Variants in DGKB observed in about 807,000 individuals in gnomAD.
DGKB encodes diacylglycerol kinase beta, also known as 90 kDa diacylglycerol kinase.
In DGKB, 67 loss-of-function variants were observed where a neutral mutation model predicts 114.3. The ratio of observed to expected loss-of-function variants is 0.59; its 90% CI spans 0.48 to 0.72. DGKB has a LOEUF of 0.72. Ranked by LOEUF, DGKB falls within the 30% of genes least tolerant of loss-of-function variation. The pLI, the probability that DGKB is intolerant of heterozygous loss-of-function variation, is 0.00. For synonymous variants in DGKB, 398 were observed against 323.1 expected, an observed-to-expected ratio of 1.23 and a Z score of -2.49; for missense variants, 907 against 975.2, an observed-to-expected ratio of 0.93 and a Z score of 0.93.
chr7:14,174,858 A>G (rs1289428645), intron 25 of DGKB, among the ~76,000 whole-genome samples: 4 of 152,186 alleles, frequency 2.6e-5, no homozygotes, highest in Admixed American at 2.6e-4. Flanking sequence ...GTGAATTTAG[A>G]AGTGTCATTT....
chr7:14,973,670 A>C (rs1468021550), intron 1 of DGKB, among the ~76,000 whole-genome samples: 1 of 150,072 alleles, frequency 6.7e-6, no homozygotes, highest in African/African-American at 2.4e-5. Flanking sequence ...TAGCCTTTTA[A>C]TCATGTTTAT....
At chr7:14,562,751 G>T (rs769587508) in intron 20 of DGKB, among the ~76,000 whole-genome samples, 1 of 152,140 alleles carries the variant, frequency 6.6e-6, no homozygotes, top group African/African-American at 2.4e-5. Context: ...CAATTAACTT[G>T]CCTTTGATTT....
chr7:14,940,758 C>T lies in DGKB; in HGVS notation c.-188+33938G>A, dbSNP rs1038243138. On this transcript the variant is annotated intron_variant, in intron 1 of 4. Coordinates refer to the DGKB transcript ENST00000437998. ...AACCAACTATAATTTCTTTTGTTTC[C>T]TCTTTATTCTTCCTTTATTTATTTA... Among the ~76,000 whole-genome samples, 3 of 151,302 alleles carry T rather than the reference C, an allele frequency of 2.0e-5. No homozygotes were observed. In the South Asian group the frequency reaches 6.3e-4, roughly 32 times the overall value.
chr7:14,780,048 G>A (rs1838831236), intron 2 of DGKB, among the ~76,000 whole-genome samples: 1 of 152,072 alleles, frequency 6.6e-6, no homozygotes, highest in Non-Finnish European at 1.5e-5. Context: ...ATGTAGAAAT[G>A]GGGCATGGAA....
At chr7:14,708,502 G>C (rs1298359789) in intron 6 of DGKB, among the ~76,000 whole-genome samples, 1 of 151,074 alleles carries the variant, frequency 6.6e-6, no homozygotes, top group South Asian at 2.1e-4. Flanking sequence ...AGACGGCATC[G>C]CCAAGTGAAT....
intron 21 of DGKB, among the ~76,000 whole-genome samples, chr7:14,476,300 A>T (rs1249550843): frequency 6.6e-6 from 1 of 152,142 alleles, no homozygotes; most frequent in Non-Finnish European, 1.5e-5. Flanking sequence ...GCTGAAATCT[A>T]TACAGTACAT....
At chr7:14,555,629 T>A (rs745816627) in intron 20 of DGKB, among the ~76,000 whole-genome samples, 2 of 152,156 alleles carry the variant, frequency 1.3e-5, no homozygotes, top group Admixed American at 6.5e-5. Context: ...TGAAACCTAC[T>A]GGGCTGCATT....
intron 2 of DGKB, among the ~76,000 whole-genome samples, chr7:14,781,252 G>A (rs1177586379): frequency 6.6e-6 from 1 of 152,136 alleles, no homozygotes; most frequent in African/African-American, 2.4e-5. Flanking sequence ...GTGCTTTTGT[G>A]TATTTCACTC....
chr7:14,394,463 C>A (rs1386424776), intron 21 of DGKB, among the ~76,000 whole-genome samples: 5 of 151,940 alleles, frequency 3.3e-5, no homozygotes, highest in Non-Finnish European at 7.4e-5. Flanking sequence ...TATTTTTGTT[C>A]TTTTGCTCAG....
rs1554345192 is a variant in DGKB, at chr7:14,919,099, C to CACACACAA, written c.-188+55596_-188+55597insTTGTGTGT. On this transcript the variant is annotated intron_variant, in intron 1 of 4. Coordinates refer to the DGKB transcript ENST00000437998. ...ACACACACACACACACACACAAACA[C>CACACACAA]ACACACACACACACACACACACACA... Among the ~76,000 whole-genome samples, 1,062 of 141,808 alleles carry CACACACAA rather than the reference C, an allele frequency of 7.5e-3. 6 individuals carry two copies. The highest frequency in any genetic ancestry group is 0.013 in the African/African-American group (495 of 38,738). The allele number at this position is 141,808 out of a possible 152,430, so 93.0% of individuals were successfully genotyped here. A position where few individuals can be genotyped will look rare whatever the true frequency, so the allele number is the denominator to read the frequency against.
chr7:14,879,297 A>G (rs1174774071), intron 1 of DGKB, among the ~76,000 whole-genome samples: 1 of 152,100 alleles, frequency 6.6e-6, no homozygotes, highest in Non-Finnish European at 1.5e-5. Context: ...TATCTAAAAA[A>G]ATATTTAATA....
intron 8 of DGKB, among the ~76,000 whole-genome samples, chr7:14,694,801 G>T (rs537758219): frequency 6.6e-6 from 1 of 152,286 alleles, no homozygotes; most frequent in Non-Finnish European, 1.5e-5. Context: ...AAGGGCTGTT[G>T]TGAGGATTAA....
intron 2 of DGKB, among the ~76,000 whole-genome samples, chr7:14,824,724 T>C (rs958153836): frequency 3.9e-5 from 6 of 152,142 alleles, no homozygotes; most frequent in African/African-American, 1.4e-4. Flanking sequence ...TATGTACATT[T>C]ACCCTTTTAA....
chr7:14,537,395 C>T (rs1229163370), intron 20 of DGKB, among the ~76,000 whole-genome samples: 1 of 152,056 alleles, frequency 6.6e-6, no homozygotes, highest in Non-Finnish European at 1.5e-5. Context: ...AATCACACTT[C>T]CTACAGTAAT....
At chr7:14,673,702 G>T (rs1819385008) in intron 12 of DGKB, among the ~76,000 whole-genome samples, 1 of 151,936 alleles carries the variant, frequency 6.6e-6, no homozygotes. Context: ...CTGGTCATAA[G>T]TTTACATTAA....
At chr7:14,266,050 T>C (rs1448296428) in intron 23 of DGKB, among the ~76,000 whole-genome samples, 1 of 152,178 alleles carries the variant, frequency 6.6e-6, no homozygotes, top group African/African-American at 2.4e-5. Context: ...TGCATGTTAG[T>C]GCTACATAAA....
chr7:14,265,130 TC>T (rs1048862070), intron 23 of DGKB, among the ~76,000 whole-genome samples: 2 of 127,474 alleles, frequency 1.6e-5, no homozygotes, highest in African/African-American at 6.9e-5. Flanking sequence ...CTGTCTCCAA[TC>T]CGGAGATCAT....
chr7:14,557,173 T>TTAAA lies in DGKB; in HGVS notation c.1770+17035_1770+17038dup, dbSNP rs138714902. 4.0e-3 allele frequency among the ~76,000 whole-genome samples: 606 copies of TTAAA among 152,346 alleles called. 3 individuals are homozygous for TTAAA. Among genetic ancestry groups the TTAAA allele is most frequent in the African/African-American group, 0.013 (554 of 41,568 alleles). On this transcript the variant is annotated intron_variant, in intron 20 of 25. Coordinates refer to ENST00000402815, the MANE Select transcript of DGKB (RefSeq NM_001350709.2). ...CCCCTTAGGTGATTCGAATTCATGC[T>TTAAA]TAAATTTAAGAACCACTATCTTAGA...
chr7:14,841,637 A>C (rs1305133654), intron 1 of DGKB, among the ~76,000 whole-genome samples, 187 bp from the exon 2 acceptor site: 1 of 152,186 alleles, frequency 6.6e-6, no homozygotes, highest in Admixed American at 6.5e-5. Context: ...CAAACTCCAC[A>C]TTCCACGAGT....
Sources: gnomAD v4.1 joint callset for allele counts (sites outside exome capture counted in the v4.1 genomes callset) on GRCh38, gnomAD v4.1.1 for gene constraint, MANE v1.5 for transcripts, NCBI Gene and HGNC (gene_info 2026-07-23, HGNC 2026-07-21) for gene names.